ABCA4: variants seen among roughly 807,000 people sequenced by gnomAD.
ABCA4 encodes retinal-specific phospholipid-transporting ATPase ABCA4.
ABCA4 carries 196 observed loss-of-function variants against 263.7 expected under a neutral mutation model. That is an observed-to-expected ratio of 0.74 (90% CI 0.66 to 0.84). The LOEUF (loss-of-function observed/expected upper bound fraction) is 0.84. ABCA4 is among the 40% of genes least tolerant of loss of function. The pLI, the probability that ABCA4 is intolerant of heterozygous loss-of-function variation, is 0.00. For synonymous variants in ABCA4, 1,133 were observed against 1,094.2 expected (o/e 1.04, Z -0.70); for missense variants, 2,792 against 2,855.1 (o/e 0.98, Z 0.50).
intron 16 of ABCA4, among the ~76,000 whole-genome samples, chr1:94,054,877 G>C (rs974176005): frequency 6.6e-6 from 1 of 152,200 alleles, no homozygotes; most frequent in African/African-American, 2.4e-5. Context: ...GTGGAAGGAA[G>C]AGACTGGCAT....
At chr1:93,997,524 C>T (rs1029331982) in intron 48 of ABCA4, among the ~76,000 whole-genome samples, 8 of 151,806 alleles carry the variant, frequency 5.3e-5, no homozygotes, top group African/African-American at 1.9e-4. Flanking sequence ...CCTGCCTTGG[C>T]CTCCCAAAGA....
In ABCA4 at chr1:94,029,581, G is replaced by A. The variant is rs1557772284; in HGVS notation, c.4403C>T (p.Pro1468Leu). 2 of 1,614,006 alleles carry A rather than the reference G, an allele frequency of 1.2e-6. No homozygotes were observed. The highest frequency in any genetic ancestry group is 1.7e-6 in the Non-Finnish European group (2 of 1,179,948). The change falls in exon 30 of 50, where the codon CCA becomes CTA. Residue 1468 changes from proline to leucine, a missense_variant. Physicochemically the swap from Pro to Leu is moderately conservative, Grantham distance 98. Transcript: ENST00000370225. ...CTTCTGGAACAGCTGGGTGATGTTT[G>A]GGGACACAGAAGGAGTCTTCCAGGG... ...STPWKTPSVS[P>L]NITQLFQKQK...
Position 94,103,142 on chromosome 1 carries a change from C to G in ABCA4, c.443G>C (p.Gly148Ala). The change falls in exon 5 of 50, where the codon GGA (glycine) becomes GCA (alanine). Residue 148 changes from glycine (G) to alanine (A), a missense_variant and splice_region_variant. Gly to Ala is a moderately conservative substitution (Grantham distance 60). Transcript: ENST00000370225. ...GATATCCCTTATTCGTATTCCTCTT[C>G]CTACATATGAATAAGAGAAAGAACA... is the stretch of plus-strand genomic sequence containing the variant. ...TLRTHPERIA[G>A]RGIRIRDILK... The G allele has an allele frequency of 6.2e-7, 1 of 1,613,846 alleles. No individual in the cohort carries two copies. Among genetic ancestry groups the G allele is most frequent in the Non-Finnish European group, 8.5e-7 (1 of 1,179,890 alleles).
At chr1:94,058,549 G>A (rs1661039692) in intron 14 of ABCA4, among the ~76,000 whole-genome samples, 1 of 152,108 alleles carries the variant, frequency 6.6e-6, no homozygotes, top group Non-Finnish European at 1.5e-5. Flanking sequence ...TTTAGGAGAG[G>A]CAGGGTTTCG....
intron 30 of ABCA4, among the ~76,000 whole-genome samples, chr1:94,028,697 A>G (rs1363373055): frequency 6.6e-6 from 1 of 152,118 alleles, no homozygotes; most frequent in Non-Finnish European, 1.5e-5. Context: ...ACTTGAGGCC[A>G]GGAGTTCAAC....
chr1:93,993,452 C>T (rs1196824232), intron 49 of ABCA4, among the ~76,000 whole-genome samples: 1 of 151,958 alleles, frequency 6.6e-6, no homozygotes, highest in African/African-American at 2.4e-5. Context: ...GTACTAAGAT[C>T]CAGGCATTTG....
chr1:94,110,121 T>C (rs1201666153), intron 3 of ABCA4, among the ~76,000 whole-genome samples: 1 of 152,224 alleles, frequency 6.6e-6, no homozygotes, highest in Admixed American at 6.5e-5. Flanking sequence ...GAAAGTGCAG[T>C]TGTAAACTAA....
At chr1:94,078,166 T>C (rs933562364) in intron 10 of ABCA4, among the ~76,000 whole-genome samples, 2 of 152,214 alleles carry the variant, frequency 1.3e-5, no homozygotes, top group Admixed American at 6.5e-5. Flanking sequence ...TGCTTATGGA[T>C]ATTTTTGTTT....
intron 30 of ABCA4, 92 bp from the exon 31 acceptor site, chr1:94,025,140 T>G: frequency 9.6e-7 from 1 of 1,036,472 alleles, no homozygotes. Flanking sequence ...AAAAATTATT[T>G]ATGGATTGAG....
At chr1:94,103,256 G>T in intron 4 of ABCA4, 114 bp from the exon 5 acceptor site, 1 of 1,375,636 alleles carries the variant, frequency 7.3e-7, no homozygotes, top group South Asian at 1.2e-5. Context: ...GGAAGGTTCT[G>T]TTCTTGGGGT....
chr1:94,004,994 C>A (rs373834130), intron 44 of ABCA4, among the ~76,000 whole-genome samples: 24 of 152,294 alleles, frequency 1.6e-4, no homozygotes, highest in African/African-American at 5.8e-4. Flanking sequence ...TGAGACTTTT[C>A]TTCTTCTTTT....
At chr1:94,087,317 C>G (rs1661857620) in intron 6 of ABCA4, among the ~76,000 whole-genome samples, 1 of 152,208 alleles carries the variant, frequency 6.6e-6, no homozygotes, top group Non-Finnish European at 1.5e-5. Flanking sequence ...CCAACCCATT[C>G]CATTAACCTT....
chr1:94,001,436 T>C lies in ABCA4; in HGVS notation c.6283-331A>G, dbSNP rs1659179504. The stretch of plus-strand genomic sequence containing the variant: ...CAGGGAGGTCACTCAGGTCACTTCC[T>C]TGGTTCCCGCTATGTCCTGTGCCCT... On this transcript the variant is annotated intron_variant, in intron 45 of 49. Coordinates refer to ENST00000370225, the MANE Select transcript of ABCA4 (RefSeq NM_000350.3). 14 of 496,782 alleles carry C rather than the reference T, an allele frequency of 2.8e-5. No individual in the cohort carries two copies. In the East Asian group the frequency reaches 5.5e-4, roughly 20 times the overall value. 30.8% of individuals were successfully genotyped at this position (496,782 alleles called of 1,614,324 possible).
intron 6 of ABCA4, among the ~76,000 whole-genome samples, chr1:94,083,980 G>GT (rs1661769779): frequency 6.6e-6 from 1 of 152,222 alleles, no homozygotes; most frequent in South Asian, 2.1e-4. Context: ...GCAGCTGCTG[G>GT]TAGGAGTCGG....
Position 94,063,174 on chromosome 1 carries a change from G to T in ABCA4, c.1698C>A (p.His566Gln), listed in dbSNP as rs768129542. ...MYPWTSSLPP[H>Q]VKYKIRMDID... Reference sequence around the variant, plus strand: ...TGTCCATTCGGATCTTATACTTCACGTGGGGTGGTAGAGAGCTGGTCCAGG... The same window carrying T: ...TGTCCATTCGGATCTTATACTTCACTTGGGGTGGTAGAGAGCTGGTCCAGG... Residue 566 changes from histidine to glutamine, a missense_variant, in exon 12 of 50, where the codon CAC becomes CAA. His to Gln is a conservative substitution (Grantham distance 24, BLOSUM62 0). Transcript: ENST00000370225. 1 of 1,614,044 alleles carries T rather than the reference G, an allele frequency of 6.2e-7. No homozygotes were observed. Among genetic ancestry groups the T allele is most frequent in the Admixed American group, 1.7e-5 (1 of 60,016 alleles).
intron 44 of ABCA4, among the ~76,000 whole-genome samples, chr1:94,004,419 A>G (rs1659312047): frequency 6.6e-6 from 1 of 152,170 alleles, no homozygotes; most frequent in African/African-American, 2.4e-5. Context: ...AATTTTCAGA[A>G]TCACTTTGCC....
In ABCA4 at chr1:94,018,468, A is replaced by G. The variant is rs536934089; in HGVS notation, c.5196+1114T>C. ...CTCGTGTAGACAGAAGAGAGAGGAA[A>G]TAATTTAGTTGCTACTGATAATCTC... On this transcript the variant is annotated intron_variant, in intron 36 of 49. Transcript: ENST00000370225. 53 of 439,466 alleles carry G rather than the reference A, an allele frequency of 1.2e-4. 1 individual carries two copies. The highest frequency in any genetic ancestry group is 8.6e-4 in the South Asian group (53 of 61,378). 27.2% of individuals were successfully genotyped at this position (439,466 alleles called of 1,614,324 possible). A position where few individuals can be genotyped will look rare whatever the true frequency, so the allele number is the denominator to read the frequency against.
chr1:93,998,267 G>A (rs1320114345), intron 47 of ABCA4, among the ~76,000 whole-genome samples, 157 bp from the exon 48 acceptor site: 1 of 152,156 alleles, frequency 6.6e-6, no homozygotes, highest in Non-Finnish European at 1.5e-5. Flanking sequence ...GAGGTGGGAG[G>A]ATCACTTGAG....
intron 11 of ABCA4, among the ~76,000 whole-genome samples, chr1:94,071,872 T>G (rs1468556202): frequency 6.6e-6 from 1 of 152,244 alleles, no homozygotes; most frequent in Non-Finnish European, 1.5e-5. Context: ...ATATTGTTTG[T>G]GTGATGCAGA....
Sources: gnomAD v4.1 joint callset for allele counts (sites outside exome capture counted in the v4.1 genomes callset) on GRCh38, gnomAD v4.1.1 for gene constraint, MANE v1.5 for transcripts, NCBI Gene and HGNC (gene_info 2026-07-23, HGNC 2026-07-21) for gene names.